The following SNX24 variants were observed in gnomAD, a reference collection of about 807,000 sequenced individuals.
SNX24 encodes the protein sorting nexin-24.
In SNX24, 22 loss-of-function variants were observed where a neutral mutation model predicts 28.7. That is an observed-to-expected ratio of 0.77 (90% CI 0.55 to 1.10). The LOEUF is 1.10. Among genes scored for constraint, SNX24 ranks in the 50% least tolerant of loss-of-function variants. The pLI, the probability that SNX24 is intolerant of heterozygous loss-of-function variation, is 0.00. For synonymous variants in SNX24, 69 were observed against 71.5 expected (o/e 0.96, Z 0.18); for missense variants, 221 against 201.1 (o/e 1.10, Z -0.60).
Position 123,016,463 on chromosome 5 carries a change from G to A in SNX24, n.384-12775G>A, listed in dbSNP as rs185160816. Among the ~76,000 whole-genome samples, 248 of 152,326 alleles carry A rather than the reference G, an allele frequency of 1.6e-3. 1 individual carries two copies. The highest frequency in any genetic ancestry group is 0.014 in the Middle Eastern group (4 of 294). ...ATAATGAGGGGCTACGGCTAGTGAG[G>A]TGGGCAAACTATGCAATTTAGGGTA... On this transcript the variant is annotated intron_variant and non_coding_transcript_variant, in intron 5 of 5. Transcript: ENST00000502387.
At chr5:122,957,815 C>T (rs1377371814) in intron 3 of SNX24, among the ~76,000 whole-genome samples, 1 of 151,794 alleles carries the variant, frequency 6.6e-6, no homozygotes, top group Non-Finnish European at 1.5e-5. Context: ...TCTTAATTTC[C>T]TTTTTGGATT....
intron 1 of SNX24, among the ~76,000 whole-genome samples, chr5:122,861,391 TTAGC>T (rs926581880): frequency 6.6e-6 from 1 of 152,166 alleles, no homozygotes; most frequent in Non-Finnish European, 1.5e-5. Context: ...GTATTACTAC[TTAGC>T]TAGCACTGTA....
chr5:122,979,364 T>G (rs979089696), intron 3 of SNX24, among the ~76,000 whole-genome samples: 2 of 152,216 alleles, frequency 1.3e-5, no homozygotes, highest in Non-Finnish European at 2.9e-5. Flanking sequence ...CAGCTGCTAT[T>G]GATTTGCTTC....
At chr5:122,871,316 G>A (rs1755967159) in intron 1 of SNX24, among the ~76,000 whole-genome samples, 1 of 152,142 alleles carries the variant, frequency 6.6e-6, no homozygotes, top group Non-Finnish European at 1.5e-5. Flanking sequence ...CAGATTGTAG[G>A]GTAGATAGCT....
At chr5:122,975,368 T>TG (rs1561682285) in intron 3 of SNX24, among the ~76,000 whole-genome samples, 1 of 140,056 alleles carries the variant, frequency 7.1e-6, no homozygotes, top group Non-Finnish European at 1.6e-5. Context: ...AAATTTATGG[T>TG]TTTTTTTTTG....
chr5:122,869,878 G>A (rs1298775745), intron 1 of SNX24, among the ~76,000 whole-genome samples: 2 of 142,520 alleles, frequency 1.4e-5, no homozygotes, highest in South Asian at 2.3e-4. Flanking sequence ...TCAGGCAAAT[G>A]CATTTCTTAG....
intron 1 of SNX24, among the ~76,000 whole-genome samples, chr5:122,847,578 C>G (rs775029540): frequency 1.3e-5 from 2 of 148,754 alleles, no homozygotes; most frequent in Non-Finnish European, 3.0e-5. Context: ...ACTGCAACCT[C>G]TGCCTCCTGG....
chr5:122,921,754 A>G (rs765521519), intron 1 of SNX24, among the ~76,000 whole-genome samples: 9 of 152,270 alleles, frequency 5.9e-5, no homozygotes, highest in African/African-American at 2.2e-4. Flanking sequence ...CAGTTTTTCT[A>G]TAGAGACCAC....
At chr5:123,016,384 A>G (rs376458128) in intron 5 of SNX24, among the ~76,000 whole-genome samples, 1 of 152,188 alleles carries the variant, frequency 6.6e-6, no homozygotes, top group Non-Finnish European at 1.5e-5. Context: ...CAAAGCCCCA[A>G]ATCAGAAGAG....
chr5:122,935,633 T>A (rs1759147839), intron 1 of SNX24, among the ~76,000 whole-genome samples: 1 of 152,212 alleles, frequency 6.6e-6, no homozygotes, highest in Non-Finnish European at 1.5e-5. Flanking sequence ...TGTTTCTGGA[T>A]TTCTAAAATA....
chr5:122,884,919 C>T (rs1466110993), intron 1 of SNX24, among the ~76,000 whole-genome samples: 4 of 152,098 alleles, frequency 2.6e-5, no homozygotes, highest in Admixed American at 6.5e-5. Context: ...TGCATTTGTA[C>T]GAACATTTCT....
At chr5:122,980,229 T>G (rs1761336870) in intron 3 of SNX24, among the ~76,000 whole-genome samples, 1 of 152,204 alleles carries the variant, frequency 6.6e-6, no homozygotes, top group Non-Finnish European at 1.5e-5. Context: ...AACAAAAAAT[T>G]TATCATGAAG....
chr5:122,860,550 A>T (rs1028153165), intron 1 of SNX24, among the ~76,000 whole-genome samples: 1 of 152,198 alleles, frequency 6.6e-6, no homozygotes, highest in South Asian at 2.1e-4. Context: ...ACTAACAGTG[A>T]GAGGTGCATA....
At chr5:122,912,391 A>G (rs1422606790) in intron 1 of SNX24, among the ~76,000 whole-genome samples, 1 of 151,796 alleles carries the variant, frequency 6.6e-6, no homozygotes, top group Non-Finnish European at 1.5e-5. Context: ...GGGGTTTTCT[A>G]GATATACAAT....
chr5:122,871,496 G>A (rs1475615421), intron 1 of SNX24, among the ~76,000 whole-genome samples: 2 of 152,146 alleles, frequency 1.3e-5, no homozygotes, highest in Non-Finnish European at 2.9e-5. Context: ...GGCTGGGCGC[G>A]GTGGCTCACG....
chr5:122,956,308 C>A (rs1485120317), intron 3 of SNX24, among the ~76,000 whole-genome samples: 1 of 150,732 alleles, frequency 6.6e-6, no homozygotes, highest in Non-Finnish European at 1.5e-5. Context: ...GCTTAGTTGT[C>A]CATCTGCTGT....
chr5:123,009,357 A>T, downstream of SNX24: 12 of 340,804 alleles, frequency 3.5e-5, no homozygotes, highest in Non-Finnish European at 5.0e-5. Flanking sequence ...ATTATAATAA[A>T]TTATCTCATC....
intron 1 of SNX24, among the ~76,000 whole-genome samples, chr5:122,895,368 A>G (rs1370999023): frequency 6.6e-6 from 1 of 152,210 alleles, no homozygotes; most frequent in Non-Finnish European, 1.5e-5. Flanking sequence ...GGAATACATT[A>G]GAGCTGGGTT....
At chr5:122,934,837 T>C (rs1470475115) in intron 1 of SNX24, among the ~76,000 whole-genome samples, 2 of 152,246 alleles carry the variant, frequency 1.3e-5, no homozygotes, top group Non-Finnish European at 2.9e-5. Context: ...TCGCAAACTT[T>C]GCTGTGGTGG....
Sources: allele counts gnomAD v4.1 joint callset (sites outside exome capture counted in the v4.1 genomes callset), GRCh38; gene constraint gnomAD v4.1.1; transcripts MANE v1.5; gene names NCBI Gene and HGNC (gene_info 2026-07-23, HGNC 2026-07-21).